RBM6: variants seen among roughly 807,000 people sequenced by gnomAD.
RBM6 encodes RNA binding motif protein 6.
In RBM6, 23 loss-of-function variants were observed where a neutral mutation model predicts 140.4. The observed-to-expected ratio is 0.16, with a 90% confidence interval of 0.12 to 0.23. The LOEUF (loss-of-function observed/expected upper bound fraction) is 0.23, where lower values mean the gene tolerates loss of function less well. RBM6 is among the 10% of genes least tolerant of loss of function. The pLI, the probability that RBM6 is intolerant of heterozygous loss-of-function variation, is 1.00. For synonymous variants in RBM6, 439 were observed against 475.6 expected (o/e 0.92, Z 1.00); for missense variants, 1,139 against 1,386.7 (o/e 0.82, Z 2.84).
intron 8 of RBM6, among the ~76,000 whole-genome samples, chr3:50,055,180 C>T (rs1344585225): frequency 6.6e-6 from 1 of 152,218 alleles, no homozygotes; most frequent in African/African-American, 2.4e-5. Flanking sequence ...GTAATCCCAG[C>T]ACTTTGGGAG....
At chr3:49,983,335 C>G (rs1221473515) in intron 5 of RBM6, among the ~76,000 whole-genome samples, 1 of 151,880 alleles carries the variant, frequency 6.6e-6, no homozygotes, top group Non-Finnish European at 1.5e-5. Flanking sequence ...TGATATAAAA[C>G]ATGCACAGTA....
At chr3:50,025,279 C>T (rs1441290414) in intron 6 of RBM6, among the ~76,000 whole-genome samples, 3 of 151,348 alleles carry the variant, frequency 2.0e-5, no homozygotes, top group Non-Finnish European at 2.9e-5. Flanking sequence ...AAAAATTAGC[C>T]AGGTGTGGTG....
At chr3:50,010,773 T>G (rs1265096043) in intron 6 of RBM6, among the ~76,000 whole-genome samples, 1 of 151,214 alleles carries the variant, frequency 6.6e-6, no homozygotes, top group East Asian at 2.0e-4. Flanking sequence ...CATGGTGGTG[T>G]GTTCCTGTAG....
chr3:50,008,005 A>T (rs773233434), intron 6 of RBM6, among the ~76,000 whole-genome samples: 26 of 152,094 alleles, frequency 1.7e-4, no homozygotes, highest in African/African-American at 6.3e-4. Context: ...CTGAGGTAGG[A>T]GGATCACTTG....
intron 7 of RBM6, among the ~76,000 whole-genome samples, chr3:50,049,361 C>T (rs974258607): frequency 6.6e-6 from 1 of 152,118 alleles, no homozygotes; most frequent in Non-Finnish European, 1.5e-5. Context: ...CCACCCACCT[C>T]GGCCTCCCAA....
At position 50,061,560 on chromosome 3, in the gene RBM6, C is replaced by CTTTTTTTTTTTTTTTTTTTTTTTGTTTTT; in HGVS notation, c.2439+36_2439+37insGTTTTTTTTTTTTTTTTTTTTTTTTTTTT. The CTTTTTTTTTTTTTTTTTTTTTTTGTTTTT allele has an allele frequency of 7.9e-7, 1 of 1,268,040 alleles. No individual in the cohort carries two copies. The highest frequency in any genetic ancestry group is 4.7e-5 in the Admixed American group (1 of 21,232). The allele number at this position is 1,268,040 out of a possible 1,614,324, so 78.5% of individuals were successfully genotyped here. On this transcript the variant is annotated intron_variant, in intron 14 of 20. Coordinates refer to ENST00000266022, the MANE Select transcript of RBM6 (RefSeq NM_005777.3). Reference sequence around the variant, plus strand: ...CCCCAATACCCAGGTGAGTTTGGGGCTTTTTTTTTTTTTTTTTTTTTTTTA... The same window carrying CTTTTTTTTTTTTTTTTTTTTTTTGTTTTT: ...CCCCAATACCCAGGTGAGTTTGGGGCTTTTTTTTTTTTTTTTTTTTTTTGTTTTTTTTTTTTTTTTTTTTTTTTTTTTTA...
intron 6 of RBM6, among the ~76,000 whole-genome samples, chr3:50,005,425 G>T (rs1421801803): frequency 6.6e-6 from 1 of 151,308 alleles, no homozygotes; most frequent in Non-Finnish European, 1.5e-5. Context: ...TTGAGCCTGG[G>T]AGGTCAAAGC....
chr3:50,073,536 T>C (rs906880493), intron 19 of RBM6, among the ~76,000 whole-genome samples: 1 of 152,188 alleles, frequency 6.6e-6, no homozygotes, highest in Non-Finnish European at 1.5e-5. Flanking sequence ...TACTGTTGCA[T>C]TGGGGATTAT....
intron 1 of RBM6, among the ~76,000 whole-genome samples, chr3:49,950,307 C>G (rs890153792): frequency 6.6e-6 from 1 of 152,082 alleles, no homozygotes. Flanking sequence ...TAGAATAAGA[C>G]CCCTGGTTCT....
At chr3:49,989,175 C>A (rs531790939) in intron 5 of RBM6, among the ~76,000 whole-genome samples, 18 of 152,122 alleles carry the variant, frequency 1.2e-4, no homozygotes, top group Non-Finnish European at 2.4e-4. Context: ...AACTTCCTGC[C>A]TTTGTTTGTC....
chr3:50,004,413 G>GAAGTGATCCTCCC (rs1196092411), intron 6 of RBM6, among the ~76,000 whole-genome samples: 1 of 145,798 alleles, frequency 6.9e-6, no homozygotes, highest in Non-Finnish European at 1.5e-5. Context: ...CTCTTGTGCC[G>GAAGTGATCCTCCC]AAGTGATCCT....
intron 9 of RBM6, 76 bp from the exon 10 acceptor site, chr3:50,058,326 A>C: frequency 6.8e-7 from 1 of 1,461,546 alleles, no homozygotes; most frequent in Non-Finnish European, 9.5e-7. Context: ...AAAAAATGAC[A>C]GTCAGATTCT....
intron 15 of RBM6, 123 bp downstream of exon 15, chr3:50,062,231 G>A (rs576336463): frequency 3.7e-5 from 45 of 1,209,804 alleles, no homozygotes; most frequent in Non-Finnish European, 4.3e-5. Context: ...TCAGCCGGGC[G>A]TGGTGGCTAA....
chr3:49,948,059 C>T (rs534206603), intron 1 of RBM6, among the ~76,000 whole-genome samples: 2 of 152,032 alleles, frequency 1.3e-5, no homozygotes, highest in East Asian at 3.9e-4. Flanking sequence ...CGCCACTGCC[C>T]TCCAGCCTGG....
chr3:50,023,332 T>C (rs1220286470), intron 6 of RBM6, among the ~76,000 whole-genome samples: 3 of 152,044 alleles, frequency 2.0e-5, no homozygotes, highest in Admixed American at 1.3e-4. Context: ...TGAGACAGAG[T>C]TTCACTCTTG....
rs182312157 is a variant in RBM6, at chr3:50,025,091, T to C, written c.1558-23154T>C. ...TAGATGGACTGTGGGTTTTTTTTTTTCCCCCATTTGGAGCTATGGCAAATG... is the reference window on the plus strand; with the variant it reads ...TAGATGGACTGTGGGTTTTTTTTTTCCCCCCATTTGGAGCTATGGCAAATG... On this transcript the variant is annotated intron_variant, in intron 6 of 20. Coordinates refer to ENST00000266022, the MANE Select transcript of RBM6 (RefSeq NM_005777.3). Among the ~76,000 whole-genome samples, 885 of 150,758 alleles carry C rather than the reference T, an allele frequency of 5.9e-3. 11 individuals carry two copies. Among genetic ancestry groups the C allele is most frequent in the African/African-American group, 0.019 (779 of 41,128 alleles).
intron 1 of RBM6, chr3:49,941,156 T>C (rs2083265984): frequency 6.6e-6 from 1 of 152,048 alleles, no homozygotes; most frequent in Non-Finnish European, 1.5e-5. Flanking sequence ...ATTACTGAAT[T>C]TGTGAGGTCT....
chr3:49,965,504 C>CA (rs1393676793), intron 2 of RBM6, among the ~76,000 whole-genome samples: 2 of 151,944 alleles, frequency 1.3e-5, no homozygotes, highest in Non-Finnish European at 2.9e-5. Context: ...CCCGCCTCTA[C>CA]AAAAAATACA....
chr3:49,941,623 A>G (rs2083280900), intron 1 of RBM6, among the ~76,000 whole-genome samples: 1 of 125,210 alleles, frequency 8.0e-6, no homozygotes, highest in Non-Finnish European at 1.6e-5. Flanking sequence ...CTGGGCCACA[A>G]GAGTGAAACT....
Sources: allele counts gnomAD v4.1 joint callset (sites outside exome capture counted in the v4.1 genomes callset), GRCh38; gene constraint gnomAD v4.1.1; transcripts MANE v1.5; gene names NCBI Gene and HGNC (gene_info 2026-07-23, HGNC 2026-07-21).